The following DBT variants were observed in gnomAD, a reference collection of about 807,000 sequenced individuals.
The protein encoded by DBT is lipoamide acyltransferase component of branched-chain alpha-keto acid dehydrogenase complex, mitochondrial.
Under a neutral mutation model 51.3 loss-of-function variants are expected in DBT, and 40 were observed. That is an observed-to-expected ratio of 0.78 (90% CI 0.61 to 1.02). The LOEUF (loss-of-function observed/expected upper bound fraction) is 1.02, where lower values mean the gene tolerates loss of function less well. Among genes scored for constraint, DBT ranks in the 50% least tolerant of loss-of-function variants. The pLI, the probability that DBT is intolerant of heterozygous loss-of-function variation, is 0.00. For missense variants in DBT, 510 were observed against 580.2 expected (o/e 0.88, Z 1.24); for synonymous variants, 181 against 190.4 (o/e 0.95, Z 0.41).
chr1:100,196,437 A>C lies in DBT; in HGVS notation c.1282-15T>G. The stretch of plus-strand genomic sequence containing the variant: ...CGGGGAATGGCCTAGAAATGAAAAA[A>C]AAAAAAAAAAAAAAAAAAAAAAGAA... On this transcript the variant is annotated splice_polypyrimidine_tract_variant and intron_variant, in intron 10 of 10. Coordinates refer to ENST00000370132, the MANE Select transcript of DBT (RefSeq NM_001918.5). 10 of 412,664 alleles carry C rather than the reference A, an allele frequency of 2.4e-5. No homozygotes were observed. The highest frequency in any genetic ancestry group is 3.9e-5 in the African/African-American group (1 of 25,748). 25.6% of individuals were successfully genotyped at this position (412,664 alleles called of 1,614,324 possible).
intron 2 of DBT, 112 bp from the exon 3 acceptor site, chr1:100,235,623 C>T: frequency 1.6e-6 from 1 of 615,386 alleles, no homozygotes; most frequent in Non-Finnish European, 3.0e-6. Context: ...ATTCTTCCAT[C>T]TTACAGACAG....
At chr1:100,202,838 A>G (rs1255577940) in intron 10 of DBT, among the ~76,000 whole-genome samples, 1 of 152,246 alleles carries the variant, frequency 6.6e-6, no homozygotes. Flanking sequence ...TGCTGGGTAA[A>G]TAATGAAATG....
chr1:100,227,728 C>T (rs1411882666), intron 4 of DBT, among the ~76,000 whole-genome samples: 1 of 152,170 alleles, frequency 6.6e-6, no homozygotes, highest in Non-Finnish European at 1.5e-5. Flanking sequence ...TTAAGTGTAT[C>T]CTGATGTGAG....
chr1:100,215,966 G>C lies in DBT; in HGVS notation c.772+17C>G, dbSNP rs761479941. ...AAATGAACTATTGCCTTATAGTATT[G>C]TTATTATTATCATTACCTTTTATGG... On this transcript the variant is annotated intron_variant, in intron 6 of 10. Transcript: ENST00000370132. The C allele has an allele frequency of 2.5e-5, 36 of 1,414,422 alleles. No individual in the cohort carries two copies. In the South Asian group the frequency reaches 4.0e-4, roughly 16 times the overall value. The allele number at this position is 1,414,422 out of a possible 1,614,324, so 87.6% of individuals were successfully genotyped here.
intron 10 of DBT, among the ~76,000 whole-genome samples, chr1:100,201,077 G>A (rs1193692703): frequency 6.6e-6 from 1 of 152,090 alleles, no homozygotes; most frequent in Non-Finnish European, 1.5e-5. Context: ...ACTGACACAA[G>A]TAGGCTTCAG....
chr1:100,213,648 A>G lies in DBT; in HGVS notation c.939+1169T>C, dbSNP rs1287178863. Reference sequence around the variant, plus strand: ...GCCTTGAGGGAGCGAAGATGCCCCAACTGTGGAGCCACCTTCGCTTAAAGG... The same window carrying G: ...GCCTTGAGGGAGCGAAGATGCCCCAGCTGTGGAGCCACCTTCGCTTAAAGG... On this transcript the variant is annotated intron_variant, in intron 7 of 10. Coordinates refer to ENST00000370132, the MANE Select transcript of DBT (RefSeq NM_001918.5). 6.2e-6 allele frequency: 10 copies of G among 1,610,804 alleles called. No individual in the cohort carries two copies. In the East Asian group the frequency reaches 1.1e-4, roughly 18 times the overall value.
intron 7 of DBT, chr1:100,211,090 A>G (rs1385668024): frequency 3.9e-6 from 3 of 779,148 alleles, no homozygotes; most frequent in Admixed American, 1.7e-5. Flanking sequence ...TTCCTCACTG[A>G]CATGTTGATC....
chr1:100,212,045 TAC>T (rs1319514503), intron 7 of DBT, among the ~76,000 whole-genome samples: 6 of 152,330 alleles, frequency 3.9e-5, no homozygotes, highest in African/African-American at 1.4e-4. Flanking sequence ...GTGTTGGGAT[TAC>T]AGTCGTGAGA....
rs770981889 is a variant in DBT, at chr1:100,214,854, C to T, written c.902G>A (p.Arg301His). 1.5e-5 allele frequency: 25 copies of T among 1,613,926 alleles called. No individual in the cohort carries two copies. Among genetic ancestry groups the T allele is most frequent in the South Asian group, 5.5e-5 (5 of 91,076 alleles). The stretch of plus-strand genomic sequence containing the variant: ...AGGCATAAAGGAGAGTTTAATTCCA[C>T]GAGCAAATGCAATGGGTTTTAATTC... Reference protein sequence around the residue: ...REELKPIAFARGIKLSFMPFF... With the variant: ...REELKPIAFAHGIKLSFMPFF... The change falls in exon 7 of 11, where the codon CGT becomes CAT. Residue 301 changes from arginine to histidine, a missense_variant. Arg to His is a conservative substitution (Grantham distance 29). Coordinates refer to ENST00000370132, the MANE Select transcript of DBT (RefSeq NM_001918.5).
Position 100,196,522 on chromosome 1 carries a change from A to G in DBT, c.1282-100T>C. The G allele has an allele frequency of 5.1e-6, 7 of 1,380,510 alleles. No homozygotes were observed. The South Asian group carries it at 9.4e-5, about 18-fold the overall frequency. The allele number at this position is 1,380,510 out of a possible 1,614,324, so 85.5% of individuals were successfully genotyped here. Reference sequence around the variant, plus strand: ...CTCTAACAATGGTGTAAGATCAGGCAAACCCTTCTTCCTGTACAGTACAGA... The same window carrying G: ...CTCTAACAATGGTGTAAGATCAGGCGAACCCTTCTTCCTGTACAGTACAGA... On this transcript the variant is annotated intron_variant, in intron 10 of 10. Transcript: ENST00000370132.
At chr1:100,227,291 C>T (rs1366044621) in intron 4 of DBT, among the ~76,000 whole-genome samples, 1 of 152,176 alleles carries the variant, frequency 6.6e-6, no homozygotes, top group Non-Finnish European at 1.5e-5. Flanking sequence ...GGAAAAATTA[C>T]TATCAGCATT....
In DBT at chr1:100,205,263, AAAAC is replaced by A. The variant is rs561809936; in HGVS notation, c.1281+963_1281+966del. Among the ~76,000 whole-genome samples, 60 of 152,332 alleles carry A rather than the reference AAAAC, an allele frequency of 3.9e-4. No homozygotes were observed. The East Asian group carries it at 0.011, about 29-fold the overall frequency. On this transcript the variant is annotated intron_variant, in intron 10 of 10. Coordinates refer to ENST00000370132, the MANE Select transcript of DBT (RefSeq NM_001918.5). Reference sequence around the variant, plus strand: ...GGAACTTAAACAAATTTACAAGAAAAAAACAAACAACCCATCATAAAGTGGGCGA... The same window carrying A: ...GGAACTTAAACAAATTTACAAGAAAAAAACAACCCATCATAAAGTGGGCGA...
chr1:100,212,433 G>A (rs535651485), intron 7 of DBT, among the ~76,000 whole-genome samples: 1 of 152,002 alleles, frequency 6.6e-6, no homozygotes, highest in Non-Finnish European at 1.5e-5. Context: ...AGCTTCTCGG[G>A]AGGCTGAGGC....
At chr1:100,203,804 A>G (rs1440073975) in intron 10 of DBT, among the ~76,000 whole-genome samples, 1 of 152,232 alleles carries the variant, frequency 6.6e-6, no homozygotes, top group Non-Finnish European at 1.5e-5. Flanking sequence ...AACATGTGCA[A>G]ATCAATAAAC....
At chr1:100,246,815 C>T (rs762748925) in intron 1 of DBT, among the ~76,000 whole-genome samples, 12 of 152,120 alleles carry the variant, frequency 7.9e-5, no homozygotes, top group Admixed American at 2.0e-4. Flanking sequence ...GATTATAACA[C>T]GTGCTATAAT....
In DBT at chr1:100,249,827, C is replaced by G; in HGVS notation, c.-7G>C. 1.2e-6 allele frequency: 2 copies of G among 1,614,152 alleles called. No individual in the cohort carries two copies. Among genetic ancestry groups the G allele is most frequent in the Admixed American group, 1.7e-5 (1 of 60,024 alleles). On this transcript the variant is annotated 5_prime_UTR_variant, in exon 1 of 11. Coordinates refer to ENST00000370132, the MANE Select transcript of DBT (RefSeq NM_001918.5). ...GCATACGGACTGCAGCCATCTTACCCCGGAAATGACAACAGTGCCGCAAAC... is the reference window on the plus strand; with the variant it reads ...GCATACGGACTGCAGCCATCTTACCGCGGAAATGACAACAGTGCCGCAAAC...
chr1:100,232,415 C>A (rs923259464), intron 3 of DBT, among the ~76,000 whole-genome samples: 2 of 152,030 alleles, frequency 1.3e-5, no homozygotes, highest in African/African-American at 4.8e-5. Context: ...GTTGGGATAA[C>A]AGGCATGAGC....
Position 100,206,631 on chromosome 1 carries a change from A to G in DBT, c.1023T>C (p.Ser341=). 1.9e-6 allele frequency: 3 copies of G among 1,600,340 alleles called. No individual in the cohort carries two copies. Among genetic ancestry groups the G allele is most frequent in the Non-Finnish European group, 2.6e-6 (3 of 1,167,476 alleles). Residue 341 remains serine, a synonymous_variant, in exon 9 of 11, where the codon TCT becomes TCC. Transcript: ENST00000370132. ...ENCQNITYKA[S]HNIGIAMDTE... ...TATCCATTGCTATCCCAATGTTATG[A>G]GAAGCCTAAAAAATAAAAAATTGTA...
At chr1:100,244,144 C>G (rs147569983) in intron 1 of DBT, among the ~76,000 whole-genome samples, 1 of 149,044 alleles carries the variant, frequency 6.7e-6, no homozygotes, top group Non-Finnish European at 1.5e-5. Context: ...CCTGGGAAGG[C>G]TTCTTGGAGG....
Sources: allele counts gnomAD v4.1 joint callset (sites outside exome capture counted in the v4.1 genomes callset), GRCh38; gene constraint gnomAD v4.1.1; transcripts MANE v1.5; gene names NCBI Gene and HGNC (gene_info 2026-07-23, HGNC 2026-07-21).